Variants in CLNK observed in about 807,000 individuals in gnomAD.
CLNK encodes cytokine-dependent hematopoietic cell linker.
A neutral mutation model predicts 68.6 loss-of-function variants in CLNK; 74 were observed. The ratio of observed to expected loss-of-function variants is 1.08; its 90% CI spans 0.89 to 1.31. CLNK has a LOEUF of 1.31. Among genes scored for constraint, CLNK ranks in the 50% most tolerant of loss-of-function variants. The pLI is 0.00. For missense variants in CLNK, 553 were observed against 515.3 expected (o/e 1.07, Z -0.71); for synonymous variants, 198 against 172.2 (o/e 1.15, Z -1.17).
chr4:10,576,012 G>A (rs755000995), intron 4 of CLNK, among the ~76,000 whole-genome samples: 9 of 152,172 alleles, frequency 5.9e-5, no homozygotes, highest in African/African-American at 1.9e-4. Context: ...GTGGCAAGAC[G>A]TCAGGCTCCT....
At chr4:10,540,096 G>T (rs1718952293) in intron 11 of CLNK, among the ~76,000 whole-genome samples, 1 of 152,192 alleles carries the variant, frequency 6.6e-6, no homozygotes, top group Non-Finnish European at 1.5e-5. Context: ...TGAGGCAGAG[G>T]CCTGGTGGGA....
chr4:10,706,654 C>T, the CLNK span, among the ~76,000 whole-genome samples: 1 of 152,152 alleles, frequency 6.6e-6, no homozygotes, highest in Admixed American at 6.5e-5. Context: ...ATCCCTCCCT[C>T]ACATCTTGGA....
chr4:10,505,846 T>C (rs1717268254), intron 17 of CLNK, among the ~76,000 whole-genome samples: 2 of 152,242 alleles, frequency 1.3e-5, no homozygotes, highest in African/African-American at 2.4e-5. Flanking sequence ...GTTCTGGGGA[T>C]TAGAATGTGA....
chr4:10,649,069 CGTT>C (rs1481158282), intron 2 of CLNK, among the ~76,000 whole-genome samples: 1 of 152,086 alleles, frequency 6.6e-6, no homozygotes, highest in Non-Finnish European at 1.5e-5. Context: ...CTTTGTAAAA[CGTT>C]AGTGAATCAC....
intron 1 of CLNK, among the ~76,000 whole-genome samples, chr4:10,678,215 C>T (rs572233967): frequency 6.6e-6 from 1 of 152,294 alleles, no homozygotes; most frequent in Admixed American, 6.5e-5. Context: ...GTGAATTGTA[C>T]AACTTGAGTC....
At chr4:10,519,348 G>T (rs16869474) in intron 15 of CLNK, among the ~76,000 whole-genome samples, 1 of 151,832 alleles carries the variant, frequency 6.6e-6, no homozygotes. Context: ...TAAGATTCTG[G>T]ATTTCTCTCT....
At chr4:10,675,487 T>C (rs143003340) in intron 1 of CLNK, among the ~76,000 whole-genome samples, 267 of 152,336 alleles carry the variant, frequency 1.8e-3, no homozygotes, top group African/African-American at 6.3e-3. Context: ...CCTTGAGAAC[T>C]CTTGTTCTCC....
chr4:10,562,272 C>T (rs1577130992), intron 7 of CLNK, among the ~76,000 whole-genome samples: 1 of 152,020 alleles, frequency 6.6e-6, no homozygotes, highest in African/African-American at 2.4e-5. Context: ...ATTACTACAA[C>T]AGTGATGGAT....
the CLNK span, among the ~76,000 whole-genome samples, chr4:10,695,026 T>C: frequency 6.6e-6 from 1 of 152,176 alleles, no homozygotes; most frequent in Non-Finnish European, 1.5e-5. Flanking sequence ...GACAGAGGCC[T>C]GGCAGGGATG....
At chr4:10,600,688 CA>C (rs1299634307) in intron 2 of CLNK, among the ~76,000 whole-genome samples, 4 of 152,172 alleles carry the variant, frequency 2.6e-5, no homozygotes, top group Admixed American at 6.5e-5. Flanking sequence ...GATGCAAATA[CA>C]TAAATAACTT....
intron 2 of CLNK, among the ~76,000 whole-genome samples, chr4:10,632,639 T>C (rs1722936107): frequency 6.6e-6 from 1 of 152,238 alleles, no homozygotes; most frequent in Non-Finnish European, 1.5e-5. Context: ...CTAAATGCCA[T>C]TGGTGCACAT....
At chr4:10,728,618 T>C in the CLNK span, among the ~76,000 whole-genome samples, 18 of 143,864 alleles carry the variant, frequency 1.3e-4, no homozygotes, top group Non-Finnish European at 3.0e-5. Flanking sequence ...TTTTTTTTTT[T>C]TTTGAAACGG....
chr4:10,669,095 G>A (rs1724524829), intron 1 of CLNK, among the ~76,000 whole-genome samples: 1 of 152,058 alleles, frequency 6.6e-6, no homozygotes, highest in South Asian at 2.1e-4. Context: ...GCACCCCACT[G>A]AGCCTTCGGC....
At chr4:10,657,525 T>A (rs1376328580) in intron 2 of CLNK, among the ~76,000 whole-genome samples, 1 of 152,216 alleles carries the variant, frequency 6.6e-6, no homozygotes, top group Non-Finnish European at 1.5e-5. Context: ...ACAAAGATGG[T>A]AGAGAAATAC....
chr4:10,519,133 T>C (rs1717958082), intron 15 of CLNK, among the ~76,000 whole-genome samples: 1 of 152,154 alleles, frequency 6.6e-6, no homozygotes, highest in Non-Finnish European at 1.5e-5. Flanking sequence ...TCCCCATCCA[T>C]CCCAGGCTTC....
rs74735788 is a variant in CLNK at position 10,505,664 on chromosome 4, T to G, written c.984+2295A>C. Among the ~76,000 whole-genome samples the G allele has an allele frequency of 7.9e-5, 12 of 152,328 alleles. No individual in the cohort carries two copies. The East Asian group carries it at 2.3e-3, about 29-fold the overall frequency. On this transcript the variant is annotated intron_variant, in intron 17 of 18. Transcript: ENST00000226951. ...GGTTCTCCCATTCATCTGACCTCACTTTCATTATCACGTCCCTCCTCTGAC... is the reference window on the plus strand; with the variant it reads ...GGTTCTCCCATTCATCTGACCTCACGTTCATTATCACGTCCCTCCTCTGAC...
intron 16 of CLNK, among the ~76,000 whole-genome samples, chr4:10,511,594 C>A (rs1035073704): frequency 1.3e-5 from 2 of 152,146 alleles, no homozygotes; most frequent in African/African-American, 4.8e-5. Flanking sequence ...ATTCTAGGTA[C>A]CTTGTATTCC....
chr4:10,547,722 A>G (rs1719293131), intron 8 of CLNK, among the ~76,000 whole-genome samples: 1 of 152,110 alleles, frequency 6.6e-6, no homozygotes. Context: ...AGGTTCCACA[A>G]GTAAGTGAGA....
chr4:10,522,726 G>T (rs1188905777), intron 14 of CLNK, among the ~76,000 whole-genome samples: 1 of 152,138 alleles, frequency 6.6e-6, no homozygotes, highest in East Asian at 1.9e-4. Flanking sequence ...GTTTATAAAA[G>T]AAACACATCC....
Sources: allele counts gnomAD v4.1 joint callset (sites outside exome capture counted in the v4.1 genomes callset), GRCh38; gene constraint gnomAD v4.1.1; transcripts MANE v1.5; gene names NCBI Gene and HGNC (gene_info 2026-07-23, HGNC 2026-07-21).